Variants in SCUBE1 observed in about 807,000 individuals in gnomAD.
SCUBE1 encodes the protein signal peptide, CUB domain and EGF like domain containing 1, also known as signal peptide, CUB and EGF-like domain-containing protein 1.
In SCUBE1, 59 loss-of-function variants were observed where a neutral mutation model predicts 124.4. That is an observed-to-expected ratio of 0.47 (90% CI 0.38 to 0.59). SCUBE1 has a LOEUF of 0.59. Among genes scored for constraint, SCUBE1 ranks in the 20% least tolerant of loss-of-function variants. The probability of loss-of-function intolerance (pLI) is 0.00; values close to 1 mark genes in which losing one functional copy is unlikely to be tolerated. For synonymous variants in SCUBE1, 545 were observed against 550.9 expected, an observed-to-expected ratio of 0.99 and a Z score of 0.15; for missense variants, 1,150 against 1,371.2, an observed-to-expected ratio of 0.84 and a Z score of 2.55.
At chr22:43,331,421 C>T (rs749130480) in intron 2 of SCUBE1, among the ~76,000 whole-genome samples, 3 of 152,068 alleles carry the variant, frequency 2.0e-5, no homozygotes, top group East Asian at 1.9e-4. Context: ...GGAAAAGGCC[C>T]GAGTTGGAAC....
intron 16 of SCUBE1, chr22:43,213,341 C>G (rs1232415160): frequency 6.6e-6 from 1 of 152,322 alleles, no homozygotes; most frequent in Admixed American, 6.5e-5. Flanking sequence ...CCTGGACGGA[C>G]TCAGGGCTGG....
At position 43,248,068 on chromosome 22, in the gene SCUBE1, C is replaced by T. The variant is rs549040386; in HGVS notation, c.728-9114G>A. 5.3e-5 allele frequency among the ~76,000 whole-genome samples: 8 copies of T among 152,318 alleles called. 1 individual carries two copies. In the Middle Eastern group the frequency reaches 0.02, roughly 389 times the overall value. ...GATTTGTGCCAAAGAGGGCTCTGGC[C>T]GTGGCCTCACAGCTGGTGGGGCTGG... On this transcript the variant is annotated intron_variant, in intron 6 of 21. Coordinates refer to ENST00000360835, the MANE Select transcript of SCUBE1 (RefSeq NM_173050.5).
At chr22:43,282,703 CTTTTTTTTT>C (rs967518967) in intron 4 of SCUBE1, 8 of 128,430 alleles carry the variant, frequency 6.2e-5, no homozygotes, top group African/African-American at 2.6e-4. Context: ...TTTTTTTTTT[CTTTTTTTTT>C]TGAGATGGAG....
rs913206026 is a variant in SCUBE1 at position 43,211,524 on chromosome 22, T to G, written c.2222-441A>C. On this transcript the variant is annotated intron_variant, in intron 17 of 21. Transcript: ENST00000360835. The surrounding 1 kb of genome is among the most constrained non-coding windows in gnomAD (Gnocchi z 4.5). ...GGGGGCTAGAGATGGGCAATTCTTT[T>G]TTTTTTTTTTTGAGATGGAGCTCGC... is the stretch of plus-strand genomic sequence containing the variant. Among the ~76,000 whole-genome samples the G allele has an allele frequency of 2.7e-5, 4 of 150,552 alleles. No homozygotes were observed. Among genetic ancestry groups the G allele is most frequent in the Admixed American group, 2.0e-4 (3 of 15,162 alleles).
chr22:43,216,550 G>A, intron 15 of SCUBE1, among the ~76,000 whole-genome samples: 1 of 152,006 alleles, frequency 6.6e-6, no homozygotes, highest in Non-Finnish European at 1.5e-5. Context: ...CTACTTGGGA[G>A]GCTGAGGCAG....
chr22:43,274,643 G>A (rs532189669), intron 4 of SCUBE1, among the ~76,000 whole-genome samples: 169 of 152,338 alleles, frequency 1.1e-3, no homozygotes, highest in African/African-American at 3.9e-3. Context: ...CTGGGAACCC[G>A]GAAGGAGACA....
chr22:43,319,555 T>G, intron 3 of SCUBE1, among the ~76,000 whole-genome samples: 1 of 58,076 alleles, frequency 1.7e-5, no homozygotes, highest in African/African-American at 1.7e-4. Flanking sequence ...CAAGACTCCA[T>G]CTCAAAAAAA....
chr22:43,330,453 A>G (rs567802711), intron 2 of SCUBE1, among the ~76,000 whole-genome samples: 1 of 152,054 alleles, frequency 6.6e-6, no homozygotes, highest in East Asian at 1.9e-4. Context: ...TCTTGTTTGT[A>G]TTTTCATTGC....
intron 6 of SCUBE1, among the ~76,000 whole-genome samples, chr22:43,242,737 A>G (rs1444105838): frequency 6.6e-6 from 1 of 152,218 alleles, no homozygotes; most frequent in Non-Finnish European, 1.5e-5. Flanking sequence ...GGGGCCCTCC[A>G]GTCTCTCTGT....
At chr22:43,339,735 A>C (rs187862888) in intron 1 of SCUBE1, among the ~76,000 whole-genome samples, 9 of 42,006 alleles carry the variant, frequency 2.1e-4, no homozygotes, top group Admixed American at 3.8e-4. Flanking sequence ...TCTACCCCCC[A>C]CAAGCATAGC....
intron 3 of SCUBE1, among the ~76,000 whole-genome samples, chr22:43,299,121 C>A (rs1006501458): frequency 6.6e-6 from 1 of 151,846 alleles, no homozygotes; most frequent in Non-Finnish European, 1.5e-5. Context: ...TTGAGCAGGT[C>A]ATTTCACCAT....
intron 2 of SCUBE1, among the ~76,000 whole-genome samples, chr22:43,337,766 A>T (rs966365272): frequency 6.6e-6 from 1 of 152,242 alleles, no homozygotes; most frequent in South Asian, 2.1e-4. Context: ...GAGTGGCTGC[A>T]TCGCCCACAA....
chr22:43,299,389 C>T (rs1388100497), intron 3 of SCUBE1, among the ~76,000 whole-genome samples: 1 of 152,218 alleles, frequency 6.6e-6, no homozygotes, highest in Non-Finnish European at 1.5e-5. Flanking sequence ...AGCACTCAGA[C>T]CCGCCTCAGC....
chr22:43,207,411 T>A, intron 21 of SCUBE1, 123 bp downstream of exon 21: 2 of 747,202 alleles, frequency 2.7e-6, no homozygotes, highest in South Asian at 1.5e-5. Context: ...CTCCTGCTCC[T>A]CTCCCATCAC....
chr22:43,321,475 G>A (rs7291928), intron 2 of SCUBE1, among the ~76,000 whole-genome samples: 11,805 of 152,282 alleles, frequency 0.078, 1,563 homozygotes, highest in African/African-American at 0.27. Flanking sequence ...CTCTGGAGGT[G>A]TAAGCACTGC....
At chr22:43,280,418 TCC>T (rs1569009275) in intron 4 of SCUBE1, among the ~76,000 whole-genome samples, 11 of 44,064 alleles carry the variant, frequency 2.5e-4, no homozygotes, top group African/African-American at 9.6e-4. Flanking sequence ...TCACCCATCC[TCC>T]TGTCCCTTCC....
chr22:43,341,534 C>T (rs1042222632), intron 1 of SCUBE1, among the ~76,000 whole-genome samples: 4 of 152,186 alleles, frequency 2.6e-5, no homozygotes, highest in Admixed American at 2.6e-4. Flanking sequence ...CCCACCTAGG[C>T]AGGTGTCTTC....
At chr22:43,263,263 CCT>C (rs1923940441) in intron 4 of SCUBE1, among the ~76,000 whole-genome samples, 2 of 152,220 alleles carry the variant, frequency 1.3e-5, no homozygotes, top group Non-Finnish European at 2.9e-5. Context: ...CTGGATCTCC[CCT>C]CTCTGTCTGC....
chr22:43,301,606 A>T (rs1925774648), intron 3 of SCUBE1, among the ~76,000 whole-genome samples: 3 of 152,162 alleles, frequency 2.0e-5, no homozygotes, highest in Non-Finnish European at 4.4e-5. Context: ...ACTAAGCTAA[A>T]GTGGCAGACA....
Sources: gnomAD v4.1 joint callset for allele counts (sites outside exome capture counted in the v4.1 genomes callset) on GRCh38, gnomAD v4.1.1 for gene constraint, Gnocchi (gnomAD v3.1) non-coding constraint, MANE v1.5 for transcripts, NCBI Gene and HGNC (gene_info 2026-07-23, HGNC 2026-07-21) for gene names.